The following MGAM2 variants were observed in gnomAD, a reference collection of about 807,000 sequenced individuals.
The protein encoded by MGAM2 is maltase-glucoamylase 2 (putative).
A neutral mutation model predicts 96.1 loss-of-function variants in MGAM2; 98 were observed. The observed-to-expected ratio is 1.02, with a 90% confidence interval of 0.87 to 1.21. MGAM2 has a LOEUF of 1.21. MGAM2 is among the 50% of genes most tolerant of loss of function. The pLI is 0.00. For missense variants in MGAM2, 2,055 were observed against 1,182.4 expected (o/e 1.74, Z -10.82); for synonymous variants, 749 against 414.8 (o/e 1.81, Z -9.79).
At chr7:142,182,194 C>G (rs903336993) in intron 32 of MGAM2, among the ~76,000 whole-genome samples, 1 of 152,160 alleles carries the variant, frequency 6.6e-6, no homozygotes, top group Admixed American at 6.5e-5. Flanking sequence ...TGTGCTTAAA[C>G]CCTGGTGGGT....
chr7:142,168,287 G>C (rs76667260), intron 26 of MGAM2, among the ~76,000 whole-genome samples: 1 of 127,394 alleles, frequency 7.8e-6, no homozygotes, highest in African/African-American at 3.0e-5. Flanking sequence ...TTTTTTTTTT[G>C]AGACAGAGTT....
Position 142,182,493 on chromosome 7 carries a change from C to T in MGAM2, c.3817-773C>T, listed in dbSNP as rs111865186. 4.6e-3 allele frequency among the ~76,000 whole-genome samples: 704 copies of T among 152,322 alleles called. 9 individuals are homozygous for T. Among genetic ancestry groups the T allele is most frequent in the African/African-American group, 0.016 (660 of 41,574 alleles). On this transcript the variant is annotated intron_variant, in intron 32 of 47. Transcript: ENST00000477922. ...CTCAGAGCAAGATGGAGAGCCTTTG[C>T]AGATGGGTCCTCATGGTCGTGTTTT...
rs1486947283 is a variant in MGAM2, at chr7:142,183,356, G to A, written c.3907G>A (p.Asp1303Asn). ...NVFIKWPDTN[D>N]IVWGKVWPDL... ...GTTCATCAAATGGCCTGACACCAATGACATTGTCTGGGGAAAGGTAAGGCT... is the reference window on the plus strand; with the variant it reads ...GTTCATCAAATGGCCTGACACCAATAACATTGTCTGGGGAAAGGTAAGGCT... The change falls in exon 33 of 48, where the codon GAC (aspartate) becomes AAC (asparagine). Residue 1303 changes from aspartate (D) to asparagine (N), a missense_variant. Transcript: ENST00000477922. 1 of 702,842 alleles carries A rather than the reference G, an allele frequency of 1.4e-6. No individual in the cohort carries two copies. Among genetic ancestry groups the A allele is most frequent in the African/African-American group, 1.7e-5 (1 of 57,246 alleles). The allele number at this position is 702,842 out of a possible 1,614,324, so 43.5% of individuals were successfully genotyped here. A position where few individuals can be genotyped will look rare whatever the true frequency, so the allele number is the denominator to read the frequency against.
chr7:142,111,995 AGACTGTGT>A (rs902702804), intron 1 of MGAM2, among the ~76,000 whole-genome samples, 188 bp downstream of exon 1: 3 of 122,198 alleles, frequency 2.5e-5, no homozygotes, highest in African/African-American at 9.5e-5. Flanking sequence ...TGGAGAGGAG[AGACTGTGT>A]GTGTGTGTGT....
chr7:142,215,098 A>G (rs1305125341), intron 46 of MGAM2, among the ~76,000 whole-genome samples: 3 of 152,338 alleles, frequency 2.0e-5, no homozygotes, highest in Admixed American at 6.5e-5. Flanking sequence ...TGGCACATAT[A>G]TACCATGGAA....
chr7:142,154,215 C>A (rs567169212), intron 16 of MGAM2, 26 bp downstream of exon 16: 2 of 558,326 alleles, frequency 3.6e-6, no homozygotes, highest in African/African-American at 1.8e-5. Context: ...AACCAGGGAA[C>A]TTTAACCCTT....
At chr7:142,188,111 C>CACACAT (rs1796758912) in intron 36 of MGAM2, among the ~76,000 whole-genome samples, 1 of 27,348 alleles carries the variant, frequency 3.7e-5, no homozygotes, top group Non-Finnish European at 1.0e-4. Flanking sequence ...AACCCTTAAA[C>CACACAT]ACACACACAC....
chr7:142,188,617 G>A (rs1796776490), intron 36 of MGAM2, among the ~76,000 whole-genome samples: 1 of 152,132 alleles, frequency 6.6e-6, no homozygotes, highest in East Asian at 1.9e-4. Context: ...TTAATTTAAT[G>A]CAGGGGGTGT....
chr7:142,132,503 A>C (rs1055586150), intron 6 of MGAM2, among the ~76,000 whole-genome samples: 1 of 137,802 alleles, frequency 7.3e-6, no homozygotes, highest in East Asian at 2.1e-4. Context: ...ATTAAATTAA[A>C]TTATAAAAAT....
chr7:142,131,708 G>A (rs1396142805), intron 5 of MGAM2, 81 bp downstream of exon 5: 5 of 669,882 alleles, frequency 7.5e-6, no homozygotes, highest in African/African-American at 3.5e-5. Flanking sequence ...GAGGCAGAAG[G>A]TACCTCTCTC....
At chr7:142,214,479 T>C (rs1221891863) in intron 46 of MGAM2, among the ~76,000 whole-genome samples, 1 of 152,178 alleles carries the variant, frequency 6.6e-6, no homozygotes, top group African/African-American at 2.4e-5. Flanking sequence ...ACAAAATCAA[T>C]GTGCAAAAAT....
intron 37 of MGAM2, among the ~76,000 whole-genome samples, chr7:142,194,104 C>T (rs1796953153): frequency 6.6e-6 from 1 of 151,574 alleles, no homozygotes; most frequent in African/African-American, 2.4e-5. Context: ...ACGATTTCGA[C>T]TCACTGCAAC....
chr7:142,198,203 C>G lies in MGAM2; in HGVS notation c.4923+8C>G, dbSNP rs556034841. 2.8e-5 allele frequency: 20 copies of G among 702,222 alleles called. No individual in the cohort carries two copies. The highest frequency in any genetic ancestry group is 4.4e-5 in the Non-Finnish European group (17 of 384,602). 43.5% of individuals were successfully genotyped at this position (702,222 alleles called of 1,614,324 possible). A position where few individuals can be genotyped will look rare whatever the true frequency, so the allele number is the denominator to read the frequency against. ...TGGTATGACTATAGCACGGTAAGAA[C>G]TAATATATTTGTGAAGAACCAGTTT... On this transcript the variant is annotated splice_region_variant and intron_variant, in intron 43 of 47. Transcript: ENST00000477922.
intron 32 of MGAM2, among the ~76,000 whole-genome samples, chr7:142,182,488 C>T (rs1224144949): frequency 6.6e-6 from 1 of 152,194 alleles, no homozygotes; most frequent in Non-Finnish European, 1.5e-5. Flanking sequence ...GATGGAGAGC[C>T]TTTGCAGATG....
At chr7:142,176,268 G>A (rs1217935744) in intron 32 of MGAM2, among the ~76,000 whole-genome samples, 1 of 152,048 alleles carries the variant, frequency 6.6e-6, no homozygotes, top group African/African-American at 2.4e-5. Flanking sequence ...AAACAATTGA[G>A]TTAAGATCCA....
chr7:142,195,522 A>ATTTTTTT (rs11379518), intron 37 of MGAM2, among the ~76,000 whole-genome samples: 1 of 138,988 alleles, frequency 7.2e-6, no homozygotes, highest in Non-Finnish European at 1.5e-5. Context: ...CACCCGGCTA[A>ATTTTTTT]TTTTTTTTTT....
At chr7:142,184,351 G>A (rs941998270) in intron 33 of MGAM2, among the ~76,000 whole-genome samples, 2 of 152,064 alleles carry the variant, frequency 1.3e-5, no homozygotes, top group African/African-American at 4.8e-5. Flanking sequence ...ATCTTACCTC[G>A]TTTGAAGCAG....
intron 46 of MGAM2, among the ~76,000 whole-genome samples, chr7:142,210,539 G>T (rs1051554854): frequency 6.6e-6 from 1 of 152,148 alleles, no homozygotes; most frequent in African/African-American, 2.4e-5. Context: ...TTGAGTAGGC[G>T]GTTTTCCCCT....
intron 27 of MGAM2, among the ~76,000 whole-genome samples, chr7:142,170,772 C>T (rs1261766156): frequency 6.6e-6 from 1 of 152,116 alleles, no homozygotes; most frequent in Non-Finnish European, 1.5e-5. Context: ...TTCCCTATCC[C>T]AGTAGAAGCT....
Sources: allele counts gnomAD v4.1 joint callset (sites outside exome capture counted in the v4.1 genomes callset), GRCh38; gene constraint gnomAD v4.1.1; transcripts MANE v1.5; gene names NCBI Gene and HGNC (gene_info 2026-07-23, HGNC 2026-07-21).